Variants in MARK1 observed in about 807,000 individuals in gnomAD.
MARK1 encodes the protein serine/threonine-protein kinase MARK1.
A neutral mutation model predicts 96.3 loss-of-function variants in MARK1; 40 were observed. The ratio of observed to expected loss-of-function variants is 0.42; its 90% confidence interval spans 0.32 to 0.54. The LOEUF is 0.54. Ranked by LOEUF, MARK1 falls within the 20% of genes least tolerant of loss-of-function variation. MARK1 has a pLI of 0.16. For synonymous variants in MARK1, 317 were observed against 341.2 expected (o/e 0.93, Z 0.78); for missense variants, 719 against 984.6 (o/e 0.73, Z 3.61).
intron 6 of MARK1, among the ~76,000 whole-genome samples, chr1:220,606,503 T>C (rs965635963): frequency 9.2e-5 from 14 of 152,376 alleles, no homozygotes; most frequent in African/African-American, 3.1e-4. Context: ...TAGTTTCTTT[T>C]GCCGTGCAGA....
intron 3 of MARK1, among the ~76,000 whole-genome samples, chr1:220,582,040 A>C (rs1360597924): frequency 6.6e-6 from 1 of 152,196 alleles, no homozygotes; most frequent in East Asian, 1.9e-4. Context: ...ATCTTATAAG[A>C]AATTGTTAGT....
intron 9 of MARK1, among the ~76,000 whole-genome samples, chr1:220,626,686 G>A (rs908176254): frequency 1.3e-5 from 2 of 152,082 alleles, no homozygotes; most frequent in Admixed American, 6.5e-5. Flanking sequence ...GTCAGACATG[G>A]TGGTGCACTT....
intron 5 of MARK1, among the ~76,000 whole-genome samples, chr1:220,602,576 A>G (rs1665818590): frequency 2.0e-5 from 3 of 152,116 alleles, no homozygotes; most frequent in Admixed American, 2.0e-4. Context: ...TATCTTTCCT[A>G]GCCTAAACTC....
intron 6 of MARK1, among the ~76,000 whole-genome samples, chr1:220,606,574 G>A (rs1340562800): frequency 6.6e-6 from 1 of 152,098 alleles, no homozygotes; most frequent in Admixed American, 6.5e-5. Flanking sequence ...CATTGCTTTT[G>A]GTGTTTTAGT....
intron 3 of MARK1, among the ~76,000 whole-genome samples, chr1:220,585,431 A>G (rs1664529094): frequency 6.6e-6 from 1 of 152,202 alleles, no homozygotes; most frequent in Non-Finnish European, 1.5e-5. Flanking sequence ...AATGTTGAGG[A>G]TGTGATCATC....
At chr1:220,647,001 T>C (rs1470878857) in intron 13 of MARK1, among the ~76,000 whole-genome samples, 3 of 152,036 alleles carry the variant, frequency 2.0e-5, no homozygotes, top group Admixed American at 6.6e-5. Flanking sequence ...TGGGCAAAGA[T>C]TGTATGATGA....
chr1:220,620,498 A>T (rs1666995915), intron 9 of MARK1, among the ~76,000 whole-genome samples: 3 of 152,218 alleles, frequency 2.0e-5, no homozygotes, highest in African/African-American at 7.2e-5. Flanking sequence ...TAATGAGCAG[A>T]GCAAAAAGAA....
intron 1 of MARK1, among the ~76,000 whole-genome samples, chr1:220,566,893 G>C (rs1198984860): frequency 6.6e-6 from 1 of 151,986 alleles, no homozygotes; most frequent in Non-Finnish European, 1.5e-5. Context: ...GGTAACATCT[G>C]CTAAGTAACT....
At chr1:220,633,167 T>C (rs1308814252) in intron 11 of MARK1, among the ~76,000 whole-genome samples, 2 of 152,146 alleles carry the variant, frequency 1.3e-5, no homozygotes, top group African/African-American at 2.4e-5. Context: ...TCATGAAGTG[T>C]CCACCTTCCT....
chr1:220,589,440 T>C (rs1664845179), intron 3 of MARK1, among the ~76,000 whole-genome samples: 1 of 152,176 alleles, frequency 6.6e-6, no homozygotes, highest in Non-Finnish European at 1.5e-5. Flanking sequence ...CTAATGGAGT[T>C]TGGCTAACCC....
chr1:220,662,155 C>T lies in MARK1; in HGVS notation c.2377C>T (p.Leu793Phe), dbSNP rs1344556026. Residue 793 changes from leucine to phenylalanine, a missense_variant, in exon 18 of 18, where the codon CTT becomes TTT. Coordinates refer to ENST00000366917, the MANE Select transcript of MARK1 (RefSeq NM_018650.5). The part of the protein sequence containing the change: ...KNIASKIANE[L>F]KL Reference sequence around the variant, plus strand: ...CATTGCATCAAAAATAGCAAATGAGCTTAAGCTGTAAAGAAGTCCAAATTT... The same window carrying T: ...CATTGCATCAAAAATAGCAAATGAGTTTAAGCTGTAAAGAAGTCCAAATTT... The T allele has an allele frequency of 1.9e-6, 3 of 1,608,706 alleles. No individual in the cohort carries two copies. The highest frequency in any genetic ancestry group is 2.5e-6 in the Non-Finnish European group (3 of 1,178,018).
In MARK1 at chr1:220,528,843, G is replaced by T; in HGVS notation, c.21G>T (p.Leu7Phe). 6.4e-7 allele frequency: 1 copy of T among 1,568,988 alleles called. No individual in the cohort carries two copies. The highest frequency in any genetic ancestry group is 8.6e-7 in the Non-Finnish European group (1 of 1,156,686). The change falls in exon 1 of 18, where the codon TTG (leucine) becomes TTT (phenylalanine). Residue 7 changes from leucine (L) to phenylalanine (F), a missense_variant. By Grantham distance (22) the Leu-to-Phe change is conservative. Transcript: ENST00000366917. MSARTP[L>F]PTVNERDTEN... ...ACAAAATGTCGGCCCGGACGCCATTGCCGACGGTGAACGAGCGGGACACGG... is the reference window on the plus strand; with the variant it reads ...ACAAAATGTCGGCCCGGACGCCATTTCCGACGGTGAACGAGCGGGACACGG...
chr1:220,645,415 G>C (rs1298505422), intron 13 of MARK1, among the ~76,000 whole-genome samples: 4 of 152,202 alleles, frequency 2.6e-5, no homozygotes, highest in Admixed American at 6.6e-5. Context: ...AATTGAGGCA[G>C]TAATAAATCG....
rs543229191 is a variant in MARK1 at position 220,651,975 on chromosome 1, TA to T, written c.1572-10del. 479 of 1,553,640 alleles carry T rather than the reference TA, an allele frequency of 3.1e-4. 3 individuals carry two copies. In the South Asian group the frequency reaches 5.4e-3, roughly 17 times the overall value. ...TTTTCCATGGTCTTCTCAACTGCTTTATGGTGAAAGCCTTACGGAGATGTCT... is the reference window on the plus strand; with the variant it reads ...TTTTCCATGGTCTTCTCAACTGCTTTTGGTGAAAGCCTTACGGAGATGTCT... On this transcript the variant is annotated splice_polypyrimidine_tract_variant and intron_variant, in intron 14 of 17. Transcript: ENST00000366917.
At chr1:220,648,241 G>T (rs955055002) in intron 13 of MARK1, among the ~76,000 whole-genome samples, 4 of 152,076 alleles carry the variant, frequency 2.6e-5, no homozygotes, top group Admixed American at 6.6e-5. Flanking sequence ...TGTTTACATG[G>T]TTGGTTTCCA....
At chr1:220,578,333 G>A (rs1437465018) in intron 1 of MARK1, among the ~76,000 whole-genome samples, 1 of 152,208 alleles carries the variant, frequency 6.6e-6, no homozygotes, top group Non-Finnish European at 1.5e-5. Flanking sequence ...AGCTGGTTAG[G>A]CAGCTTGACC....
At chr1:220,651,331 T>G (rs969556018) in intron 14 of MARK1, among the ~76,000 whole-genome samples, 1 of 152,196 alleles carries the variant, frequency 6.6e-6, no homozygotes, top group Admixed American at 6.5e-5. Context: ...ATTTCAGTAG[T>G]GTGTACAACC....
intron 1 of MARK1, among the ~76,000 whole-genome samples, chr1:220,541,502 T>G (rs1195323232): frequency 6.6e-6 from 1 of 152,186 alleles, no homozygotes; most frequent in Admixed American, 6.5e-5. Flanking sequence ...TCTATCATTA[T>G]CGAATGTAGG....
At chr1:220,589,487 A>G (rs1256245429) in intron 3 of MARK1, among the ~76,000 whole-genome samples, 3 of 152,246 alleles carry the variant, frequency 2.0e-5, no homozygotes, top group Non-Finnish European at 4.4e-5. Flanking sequence ...CCAATTGAAA[A>G]GTAAATATCT....
Sources: gnomAD v4.1 joint callset for allele counts (sites outside exome capture counted in the v4.1 genomes callset) on GRCh38, gnomAD v4.1.1 for gene constraint, MANE v1.5 for transcripts, NCBI Gene and HGNC (gene_info 2026-07-23, HGNC 2026-07-21) for gene names.